Variants in ZNF200 observed in about 807,000 individuals in gnomAD.
The protein encoded by ZNF200 is zinc finger protein 200.
A neutral mutation model predicts 33.6 loss-of-function variants in ZNF200; 35 were observed. That is an observed-to-expected ratio of 1.04 (90% CI 0.80 to 1.38). ZNF200 has a LOEUF of 1.38. Ranked by LOEUF, ZNF200 falls within the 40% of genes most tolerant of loss-of-function variation. The probability of loss-of-function intolerance (pLI) is 0.00; values close to 1 mark genes in which losing one functional copy is unlikely to be tolerated. For missense variants in ZNF200, 592 were observed against 470.6 expected (o/e 1.26, Z -2.39); for synonymous variants, 209 against 167.7 (o/e 1.25, Z -1.90).
At chr16:3,234,216 G>C (rs1273280727) in intron 1 of ZNF200, 1 of 153,320 alleles carries the variant, frequency 6.5e-6, no homozygotes, top group African/African-American at 2.4e-5. Context: ...GACCAGCCTG[G>C]GCAACACAGC....
chr16:3,235,114 GT>G lies in ZNF200; in HGVS notation c.-210del, dbSNP rs1958769924. On this transcript the variant is annotated 5_prime_UTR_variant, in exon 1 of 5. Transcript: ENST00000414144. ...CTCGCCCTTCCGAGTGCCCTCACAG[GT>G]CGCCGGCGACTATTCGTTCGCGCCG... The G allele has an allele frequency of 2.0e-5, 3 of 152,202 alleles. No homozygotes were observed. The South Asian group carries it at 6.2e-4, about 31-fold the overall frequency. The allele number at this position is 152,202 out of a possible 1,614,324, so 9.4% of individuals were successfully genotyped here. A position where few individuals can be genotyped will look rare whatever the true frequency, so the allele number is the denominator to read the frequency against.
At chr16:3,224,799 AC>A in intron 4 of ZNF200, 186 bp from the exon 5 acceptor site, 1 of 655,712 alleles carries the variant, frequency 1.5e-6, no homozygotes, top group Non-Finnish European at 2.5e-6. Context: ...CTTTCCATCT[AC>A]CACAATGCAA....
Position 3,232,506 on chromosome 16 carries a change from C to G in ZNF200, c.381G>C (p.Gln127His). ...TAGGATCCAAGCTCACACATTCTTC[C>G]TGGCAGTGAAATACATTCAAATCCT... ...VFEDLNVFHC[Q>H]EECVSLDPTQ... Residue 127 changes from glutamine to histidine, a missense_variant, in exon 4 of 5, where the codon CAG becomes CAC. By Grantham distance (24) the Gln-to-His change is conservative. Transcript: ENST00000414144. 1 of 1,614,096 alleles carries G rather than the reference C, an allele frequency of 6.2e-7. No individual in the cohort carries two copies.
chr16:3,228,235 CACTTT>C (rs1336540744), intron 4 of ZNF200, among the ~76,000 whole-genome samples: 1 of 152,120 alleles, frequency 6.6e-6, no homozygotes, highest in Non-Finnish European at 1.5e-5. Flanking sequence ...TCTGTTTATT[CACTTT>C]ATTTCCCACT....
At chr16:3,226,097 G>C (rs1317727526) in intron 4 of ZNF200, 1 of 141,018 alleles carries the variant, frequency 7.1e-6, no homozygotes, top group Non-Finnish European at 1.5e-5. Context: ...TTGTCGCCCA[G>C]GTTGGAGTGC....
chr16:3,227,992 G>A (rs1798538323), intron 4 of ZNF200, among the ~76,000 whole-genome samples: 2 of 151,920 alleles, frequency 1.3e-5, no homozygotes, highest in South Asian at 2.1e-4. Flanking sequence ...ATCAACAAGA[G>A]GAGAAATGAC....
Position 3,224,506 on chromosome 16 carries a change from C to A in ZNF200, c.574G>T (p.Val192Phe), listed in dbSNP as rs1470480010. 3 of 1,614,152 alleles carry A rather than the reference C, an allele frequency of 1.9e-6. No individual in the cohort carries two copies. Among genetic ancestry groups the A allele is most frequent in the Non-Finnish European group, 2.5e-6 (3 of 1,180,026 alleles). The stretch of plus-strand genomic sequence containing the variant: ...TGGTTATCGGGAGGCTGCTGAGAGA[C>A]CAAGGAAGAATCCATTTCATCATCA... ...SDDDEMDSSL[V>F]SQQPPDNQEK... The change falls in exon 5 of 5, where the codon GTC becomes TTC. Residue 192 changes from valine to phenylalanine, a missense_variant. Val to Phe is a conservative substitution (Grantham distance 50). Transcript: ENST00000414144.
In ZNF200 at chr16:3,224,551, A is replaced by T. The variant is rs1225240277; in HGVS notation, c.529T>A (p.Tyr177Asn). The change falls in exon 5 of 5, where the codon TAT becomes AAT. Residue 177 changes from tyrosine (Y) to asparagine (N), a missense_variant. Transcript: ENST00000414144. ...PEREPVENED[Y>N]REKSSDDDEM... Reference sequence around the variant, plus strand: ...TCATCATCTGAAGACTTTTCTCTATAATCTTCATTTTCTACAGGTTCCCTC... The same window carrying T: ...TCATCATCTGAAGACTTTTCTCTATTATCTTCATTTTCTACAGGTTCCCTC... 2 of 1,612,922 alleles carry T rather than the reference A, an allele frequency of 1.2e-6. No homozygotes were observed. The highest frequency in any genetic ancestry group is 1.7e-6 in the Non-Finnish European group (2 of 1,179,368).
intron 3 of ZNF200, 95 bp from the exon 4 acceptor site, chr16:3,232,642 G>A: frequency 6.5e-7 from 1 of 1,545,610 alleles, no homozygotes; most frequent in Non-Finnish European, 8.7e-7. Flanking sequence ...CAAGGGAAGG[G>A]ATAGCAAGAG....
intron 4 of ZNF200, chr16:3,224,820 A>G (rs1406212214): frequency 1.2e-5 from 7 of 587,196 alleles, no homozygotes; most frequent in Non-Finnish European, 2.0e-5. Flanking sequence ...AGCACACTTT[A>G]AAGAAATAAA....
chr16:3,224,761 T>C lies in ZNF200; in HGVS notation c.467-148A>G, dbSNP rs1473241609. The C allele has an allele frequency of 7.2e-6, 7 of 967,878 alleles. No individual in the cohort carries two copies. In the East Asian group the frequency reaches 1.0e-4, roughly 14 times the overall value. 60.0% of individuals were successfully genotyped at this position (967,878 alleles called of 1,614,324 possible). ...CCGTCGCACTCCTTTTCCATACTTA[T>C]TGAGGGTGGGATACATAACTGATAA... On this transcript the variant is annotated intron_variant, in intron 4 of 4. Coordinates refer to ENST00000414144, the MANE Select transcript of ZNF200 (RefSeq NM_198088.3).
At position 3,224,666 on chromosome 16, in the gene ZNF200, A is replaced by C. The variant is rs1420931242; in HGVS notation, c.467-53T>G. ...TCTGAGAGATATCACAACACCAGGC[A>C]GGAAAAAACAAGTCAGGTTTCTTAT... On this transcript the variant is annotated intron_variant, in intron 4 of 4. Transcript: ENST00000414144. The C allele has an allele frequency of 2.0e-6, 3 of 1,516,468 alleles. No homozygotes were observed. In the African/African-American group the frequency reaches 4.2e-5, roughly 21 times the overall value. 93.9% of individuals were successfully genotyped at this position (1,516,468 alleles called of 1,614,324 possible). A position where few individuals can be genotyped will look rare whatever the true frequency, so the allele number is the denominator to read the frequency against.
At chr16:3,230,416 T>C (rs948600676) in intron 4 of ZNF200, among the ~76,000 whole-genome samples, 4 of 152,262 alleles carry the variant, frequency 2.6e-5, no homozygotes, top group Admixed American at 2.0e-4. Context: ...ACTTTATTTC[T>C]ACTCCTTGGA....
chr16:3,231,870 G>A (rs1958643718), intron 4 of ZNF200, among the ~76,000 whole-genome samples: 1 of 152,158 alleles, frequency 6.6e-6, no homozygotes, highest in African/African-American at 2.4e-5. Flanking sequence ...CACCTGTAAG[G>A]TGGCAGTAAT....
intron 1 of ZNF200, 195 bp from the exon 2 acceptor site, chr16:3,234,031 A>T: frequency 3.1e-6 from 1 of 321,270 alleles, no homozygotes; most frequent in Non-Finnish European, 5.6e-6. Flanking sequence ...AGAATGAAAA[A>T]CAGAGACTGT....
rs755440895 is a variant in ZNF200 at position 3,224,615 on chromosome 16, T to G, written c.467-2A>C. 2 of 1,578,512 alleles carry G rather than the reference T, an allele frequency of 1.3e-6. No homozygotes were observed. On this transcript the variant is annotated splice_acceptor_variant, in intron 4 of 4. Transcript: ENST00000414144. LOFTEE classifies it high-confidence loss of function. ...CTTCAGGATTACTGCCATTGACTGCTGAAACAAAGAGAGAATTTAACAACT... is the reference window on the plus strand; with the variant it reads ...CTTCAGGATTACTGCCATTGACTGCGGAAACAAAGAGAGAATTTAACAACT...
At chr16:3,227,490 C>G (rs568769786) in intron 4 of ZNF200, 1 of 152,288 alleles carries the variant, frequency 6.6e-6, no homozygotes, top group Admixed American at 6.5e-5. Context: ...AAAAGTCCCC[C>G]TTTATGGTTA....
chr16:3,232,762 G>A, intron 3 of ZNF200, 71 bp downstream of exon 3: 1 of 1,536,948 alleles, frequency 6.5e-7, no homozygotes, highest in Non-Finnish European at 8.9e-7. Context: ...CTAAGAATGT[G>A]TTTTTACACA....
rs765004662 is a variant in ZNF200 at position 3,224,193 on chromosome 16, T to C, written c.887A>G (p.Asn296Ser). 29 of 1,614,078 alleles carry C rather than the reference T, an allele frequency of 1.8e-5. No homozygotes were observed. Among genetic ancestry groups the C allele is most frequent in the Non-Finnish European group, 2.2e-5 (26 of 1,180,054 alleles). ...TCCTGTATGAATTCGCTCATGTTTATTGAGGTTTGTTTTATGATTGAAGCT... is the reference window on the plus strand; with the variant it reads ...TCCTGTATGAATTCGCTCATGTTTACTGAGGTTTGTTTTATGATTGAAGCT... Reference protein sequence around the residue: ...GKSFNHKTNLNKHERIHTGEK... With the variant: ...GKSFNHKTNLSKHERIHTGEK... The change falls in exon 5 of 5, where the codon AAT (asparagine) becomes AGT (serine). Residue 296 changes from asparagine (N) to serine (S), a missense_variant. Transcript: ENST00000414144.
Sources: allele counts gnomAD v4.1 joint callset (sites outside exome capture counted in the v4.1 genomes callset), GRCh38; gene constraint gnomAD v4.1.1; transcripts MANE v1.5; gene names NCBI Gene and HGNC (gene_info 2026-07-23, HGNC 2026-07-21).